GALP: variants seen among roughly 807,000 people sequenced by gnomAD.
The protein encoded by GALP is galanin-like peptide.
GALP carries 12 observed loss-of-function variants against 15.2 expected under a neutral mutation model. That is an observed-to-expected ratio of 0.79 (90% confidence interval 0.51 to 1.28). The LOEUF (loss-of-function observed/expected upper bound fraction) is 1.28, where lower values mean the gene tolerates loss of function less well. Ranked by LOEUF, GALP falls within the 50% of genes most tolerant of loss-of-function variation. The probability of loss-of-function intolerance (pLI) is 0.00; values close to 1 mark genes in which losing one functional copy is unlikely to be tolerated. For missense variants in GALP, 161 were observed against 145.6 expected (o/e 1.11, Z -0.55); for synonymous variants, 58 against 55.1 (o/e 1.05, Z -0.23).
intron 5 of GALP, among the ~76,000 whole-genome samples, chr19:56,184,533 G>T (rs1294280600): frequency 7.0e-6 from 1 of 143,434 alleles, no homozygotes; most frequent in African/African-American, 2.7e-5. Flanking sequence ...TCCCAGGCTG[G>T]AGTGCAGTGG....
chr19:56,178,876 A>C (rs2032513026), intron 2 of GALP, among the ~76,000 whole-genome samples: 1 of 152,166 alleles, frequency 6.6e-6, no homozygotes, highest in Admixed American at 6.5e-5. Context: ...ATCCTCCTTA[A>C]GAGTCTGGAA....
chr19:56,180,325 C>T (rs1014980921), intron 2 of GALP, among the ~76,000 whole-genome samples: 2 of 152,202 alleles, frequency 1.3e-5, no homozygotes, highest in East Asian at 1.9e-4. Flanking sequence ...TGTTGAAGAA[C>T]AATTCCCCAT....
At chr19:56,182,420 A>G (rs2032582833) in intron 4 of GALP, among the ~76,000 whole-genome samples, 168 bp downstream of exon 4, 1 of 152,100 alleles carries the variant, frequency 6.6e-6, no homozygotes. Flanking sequence ...CGTCACCTGG[A>G]GCCCCAGCTT....
intron 4 of GALP, among the ~76,000 whole-genome samples, chr19:56,182,729 T>A (rs2122171577): frequency 6.6e-6 from 1 of 152,286 alleles, no homozygotes; most frequent in Non-Finnish European, 1.5e-5. Context: ...CAGCAAATTT[T>A]GCATTTTTAG....
At chr19:56,184,792 A>G (rs1436586841) in intron 5 of GALP, among the ~76,000 whole-genome samples, 3 of 151,896 alleles carry the variant, frequency 2.0e-5, no homozygotes, top group African/African-American at 7.3e-5. Context: ...TCCTTCTTCA[A>G]TCCTAACTCA....
intron 3 of GALP, among the ~76,000 whole-genome samples, chr19:56,181,464 C>T (rs1375365050): frequency 7.9e-6 from 1 of 125,800 alleles, no homozygotes; most frequent in Non-Finnish European, 1.6e-5. Context: ...AGTGCAGTGG[C>T]GCCAATCTTG....
rs145230182 is a variant in GALP, at chr19:56,182,298, C to T, written c.217+46C>T. ...ACGTCTTCTCCTGCGTCCTCCCCTG[C>T]GGGCTCTCTCCTGGCTTTGGAAACT... On this transcript the variant is annotated intron_variant, in intron 4 of 5. Coordinates refer to ENST00000357330, the MANE Select transcript of GALP (RefSeq NM_033106.4). 2.0e-4 allele frequency: 280 copies of T among 1,427,408 alleles called. No individual in the cohort carries two copies. The African/African-American group carries it at 2.3e-3, about 12-fold the overall frequency. The allele number at this position is 1,427,408 out of a possible 1,614,324, so 88.4% of individuals were successfully genotyped here.
chr19:56,185,116 C>T, intron 5 of GALP, 99 bp from the exon 6 acceptor site: 1 of 769,402 alleles, frequency 1.3e-6, no homozygotes, highest in South Asian at 1.5e-5. Context: ...GCCTGGCCAA[C>T]ATGGTGAAAC....
intron 2 of GALP, among the ~76,000 whole-genome samples, chr19:56,179,804 T>A (rs1251931318): frequency 6.6e-6 from 1 of 151,786 alleles, no homozygotes; most frequent in Non-Finnish European, 1.5e-5. Flanking sequence ...TATTTTTTGT[T>A]TTGTTTTGTT....
rs202004071 is a variant in GALP at position 56,179,474 on chromosome 19, T to TTA, written c.88-1098_88-1097dup. Among the ~76,000 whole-genome samples, 4,936 of 148,748 alleles carry TTA rather than the reference T, an allele frequency of 0.033. 533 individuals are homozygous for TTA. In the East Asian group the frequency reaches 0.39, roughly 12 times the overall value. On this transcript the variant is annotated intron_variant, in intron 2 of 5. Coordinates refer to ENST00000357330, the MANE Select transcript of GALP (RefSeq NM_033106.4). Reference sequence around the variant, plus strand: ...AGGCACCCGCCACCACGCCCGGCTATTATATATATATATATTTTGTATTTT... The same window carrying TTA: ...AGGCACCCGCCACCACGCCCGGCTATTATATATATATATATATTTTGTATTTT...
At chr19:56,176,436 AGAGGGG>A (rs2032460423) in intron 1 of GALP, among the ~76,000 whole-genome samples, 1 of 94,952 alleles carries the variant, frequency 1.1e-5, no homozygotes, top group African/African-American at 4.7e-5. Context: ...CCAGGAGGGC[AGAGGGG>A]CGGATGCCAG....
At chr19:56,182,975 C>G (rs1353448997) in intron 4 of GALP, among the ~76,000 whole-genome samples, 160 bp from the exon 5 acceptor site, 4 of 152,034 alleles carry the variant, frequency 2.6e-5, no homozygotes, top group Admixed American at 2.6e-4. Flanking sequence ...AGCCGAGTAC[C>G]CAGTGGTTAT....
intron 2 of GALP, among the ~76,000 whole-genome samples, chr19:56,177,744 C>T (rs2032490699): frequency 6.6e-6 from 1 of 152,170 alleles, no homozygotes; most frequent in East Asian, 1.9e-4. Context: ...GGATCTGCGA[C>T]TTTCTAGCTG....
At chr19:56,178,530 A>C (rs920246660) in intron 2 of GALP, among the ~76,000 whole-genome samples, 140 of 148,998 alleles carry the variant, frequency 9.4e-4, no homozygotes, top group African/African-American at 3.4e-3. Flanking sequence ...ACAAAAAAAA[A>C]AAAAAAAAAA....
At chr19:56,179,369 G>T (rs1399321934) in intron 2 of GALP, among the ~76,000 whole-genome samples, 6 of 149,652 alleles carry the variant, frequency 4.0e-5, no homozygotes, top group Non-Finnish European at 8.9e-5. Flanking sequence ...GTGCAGTGGC[G>T]CAATGTCAGC....
intron 5 of GALP, among the ~76,000 whole-genome samples, 163 bp downstream of exon 5, chr19:56,183,375 T>G (rs1047489020): frequency 6.6e-6 from 1 of 152,146 alleles, no homozygotes; most frequent in East Asian, 1.9e-4. Context: ...CAGCCTCGAC[T>G]GTGAATCCCC....
rs1173168886 is a variant in GALP, at chr19:56,183,203, G to C, written c.286G>C (p.Glu96Gln). Residue 96 changes from glutamate (E) to glutamine (Q), a missense_variant, in exon 5 of 6, where the codon GAG becomes CAG. Coordinates refer to ENST00000357330, the MANE Select transcript of GALP (RefSeq NM_033106.4). ...RNVMETFAKP[E>Q]IGDLGMLSMK... is the part of the protein sequence containing the mutation. ...TGTGATGGAGACGTTTGCCAAACCAGAGATTGGAGGTAAAGCCAGGAAACA... is the reference window on the plus strand; with the variant it reads ...TGTGATGGAGACGTTTGCCAAACCACAGATTGGAGGTAAAGCCAGGAAACA... 1 of 1,613,332 alleles carries C rather than the reference G, an allele frequency of 6.2e-7. No homozygotes were observed. The highest frequency in any genetic ancestry group is 2.2e-5 in the East Asian group (1 of 44,872).
In GALP at chr19:56,177,261, T is replaced by A. The variant is rs1412499689; in HGVS notation, c.87+66T>A. The A allele has an allele frequency of 7.5e-6, 10 of 1,332,350 alleles. No homozygotes were observed. In the East Asian group the frequency reaches 1.9e-4, roughly 25 times the overall value. 82.5% of individuals were successfully genotyped at this position (1,332,350 alleles called of 1,614,324 possible). A position where few individuals can be genotyped will look rare whatever the true frequency, so the allele number is the denominator to read the frequency against. ...AAATCCCTGCCCTCTGGGAAGAGTT[T>A]TTAAAAATGCTTCTGGCTTGTGTCA... On this transcript the variant is annotated intron_variant, in intron 2 of 5. Coordinates refer to ENST00000357330, the MANE Select transcript of GALP (RefSeq NM_033106.4).
intron 2 of GALP, among the ~76,000 whole-genome samples, chr19:56,178,270 C>T (rs2032499639): frequency 6.6e-6 from 1 of 151,428 alleles, no homozygotes; most frequent in South Asian, 2.1e-4. Context: ...TCGAGACCAG[C>T]CTGGGCAACA....
Sources: allele counts gnomAD v4.1 joint callset (sites outside exome capture counted in the v4.1 genomes callset), GRCh38; gene constraint gnomAD v4.1.1; transcripts MANE v1.5; gene names NCBI Gene and HGNC (gene_info 2026-07-23, HGNC 2026-07-21).